CFAP46: variants seen among roughly 807,000 people sequenced by gnomAD.
CFAP46 encodes cilia- and flagella-associated protein 46.
A neutral mutation model predicts 325.7 loss-of-function variants in CFAP46; 245 were observed. The ratio of observed to expected loss-of-function variants is 0.75; its 90% confidence interval spans 0.68 to 0.84. CFAP46 has a LOEUF of 0.84. Among genes scored for constraint, CFAP46 ranks in the 40% least tolerant of loss-of-function variants. The pLI, the probability that CFAP46 is intolerant of heterozygous loss-of-function variation, is 0.00. For missense variants in CFAP46, 3,346 were observed against 3,543.0 expected (o/e 0.94, Z 1.41); for synonymous variants, 1,523 against 1,495.9 (o/e 1.02, Z -0.42).
intron 34 of CFAP46, 49 bp downstream of exon 34, chr10:132,867,326 C>T (rs368775149): frequency 2.5e-5 from 38 of 1,527,806 alleles, no homozygotes; most frequent in South Asian, 1.6e-4. Flanking sequence ...CACGAGGCAC[C>T]GGCGCCCGCT....
At chr10:132,822,164 G>A (rs1228854110) in intron 50 of CFAP46, among the ~76,000 whole-genome samples, 2 of 141,710 alleles carry the variant, frequency 1.4e-5, no homozygotes, top group African/African-American at 2.7e-5. Context: ...GCTGTGTGCT[G>A]TGTGTGCTGA....
Position 132,808,924 on chromosome 10 carries a change from A to C in CFAP46, c.7665-20T>G, listed in dbSNP as rs141779245. On this transcript the variant is annotated intron_variant, in intron 57 of 57. Coordinates refer to ENST00000368586, the MANE Select transcript of CFAP46 (RefSeq NM_001200049.3). This position sits in a 1 kb window ranked among gnomAD's most constrained non-coding sequence, Gnocchi z 6.8. ...CCTCGTCTGTGGAGAAAGGGGCGGG[A>C]GCTATGAACCCCGAGGCCCCGCAGG... is the stretch of plus-strand genomic sequence containing the variant. The C allele has an allele frequency of 3.9e-4, 605 of 1,553,446 alleles. 1 individual carries two copies. The African/African-American group carries it at 7.5e-3, about 19-fold the overall frequency.
intron 50 of CFAP46, among the ~76,000 whole-genome samples, chr10:132,822,361 CA>C (rs1847876853): frequency 1.0e-5 from 1 of 99,166 alleles, no homozygotes; most frequent in African/African-American, 4.1e-5. Context: ...GCTGTGTGTG[CA>C]GTGATGTGTG....
At chr10:132,928,194 T>C (rs1232961729) in intron 9 of CFAP46, among the ~76,000 whole-genome samples, 1 of 152,164 alleles carries the variant, frequency 6.6e-6, no homozygotes, top group East Asian at 1.9e-4. Flanking sequence ...CTGTTACTGC[T>C]GCCATTTTGC....
Position 132,901,021 on chromosome 10 carries a change from G to A in CFAP46, c.2925-1355C>T, listed in dbSNP as rs575147310. 3.9e-5 allele frequency among the ~76,000 whole-genome samples: 6 copies of A among 152,332 alleles called. No individual in the cohort carries two copies. The South Asian group carries it at 6.2e-4, about 16-fold the overall frequency. ...CTACCTCGGATCGCGTGCCTGGGCC[G>A]TTTAACCGGACACCAGCTTTCTTGT... is the stretch of plus-strand genomic sequence containing the variant. On this transcript the variant is annotated intron_variant, in intron 22 of 57. Transcript: ENST00000368586.
At chr10:132,867,313 G>A in intron 34 of CFAP46, 62 bp downstream of exon 34, 7 of 1,523,180 alleles carry the variant, frequency 4.6e-6, no homozygotes, top group Non-Finnish European at 6.2e-6. Flanking sequence ...AGCCCTGCAT[G>A]GCCACGAGGC....
rs4880288 is a variant in CFAP46, at chr10:132,922,572, T to G, written c.1393A>C (p.Ile465Leu). ...CGCAGCCGGGTGGAGGCCATCTGGA[T>G]CCTGTCCCGGTAGAGGCCCAGGCTG... is the stretch of plus-strand genomic sequence containing the variant. ...LDSLGLYRDR[I>L]QMASTRLRLC... is the part of the protein sequence containing the mutation. Residue 465 changes from isoleucine (I) to leucine (L), a missense_variant, in exon 12 of 58, where the codon ATC becomes CTC. Ile to Leu is a conservative substitution (Grantham distance 5). Coordinates refer to ENST00000368586, the MANE Select transcript of CFAP46 (RefSeq NM_001200049.3). 769,525 of 1,547,372 alleles carry G rather than the reference T, an allele frequency of 0.5. 195,763 individuals are homozygous for G. Among genetic ancestry groups the G allele is most frequent in the African/African-American group, 0.73 (53,724 of 73,108 alleles).
chr10:132,920,115 G>C lies in CFAP46; in HGVS notation c.1674C>G (p.Ser558Arg). 6.5e-7 allele frequency: 1 copy of C among 1,549,254 alleles called. No homozygotes were observed. Among genetic ancestry groups the C allele is most frequent in the Non-Finnish European group, 8.7e-7 (1 of 1,146,524 alleles). The change falls in exon 14 of 58, where the codon AGC becomes AGG. Residue 558 changes from serine to arginine, a missense_variant. Transcript: ENST00000368586. Reference protein sequence around the residue: ...LCAKAWHHTVSVDKAAGHLRR... With the variant: ...LCAKAWHHTVRVDKAAGHLRR... ...GCAGGTGCCCGGCAGCTTTGTCCAC[G>C]CTGACGGTGTGGTGCCACGCCTTCG... is the stretch of plus-strand genomic sequence containing the variant.
intron 56 of CFAP46, chr10:132,810,698 T>G (rs1847562663): frequency 1.4e-5 from 10 of 730,810 alleles, no homozygotes; most frequent in Non-Finnish European, 2.2e-5. Flanking sequence ...CTCAACGGGC[T>G]CCTCCAGGGA....
At chr10:132,936,497 C>T (rs1850008675) in intron 7 of CFAP46, among the ~76,000 whole-genome samples, 1 of 149,340 alleles carries the variant, frequency 6.7e-6, no homozygotes, top group Non-Finnish European at 1.5e-5. Context: ...CTGTGATCTC[C>T]TCACTCCCCT....
chr10:132,879,674 G>C (rs910509613), intron 28 of CFAP46, 43 bp from the exon 29 acceptor site: 1 of 1,454,832 alleles, frequency 6.9e-7, no homozygotes, highest in East Asian at 2.5e-5. Context: ...GCCCGGCTAC[G>C]GGTCTGTGGG....
chr10:132,899,209 A>T (rs1591079814), intron 23 of CFAP46, 88 bp from the exon 24 acceptor site: 2 of 1,414,554 alleles, frequency 1.4e-6, no homozygotes, highest in Admixed American at 4.7e-5. Flanking sequence ...TCGGGCGCCC[A>T]GGGCCCAGCC....
chr10:132,861,271 C>G (rs760923675), intron 35 of CFAP46, among the ~76,000 whole-genome samples: 1 of 152,224 alleles, frequency 6.6e-6, no homozygotes, highest in African/African-American at 2.4e-5. Context: ...GGAGTCAGCA[C>G]CAGCTGCAGC....
rs1038822287 is a variant in CFAP46, at chr10:132,913,103, T to A, written c.2276A>T (p.Glu759Val). 1.3e-6 allele frequency: 2 copies of A among 1,550,386 alleles called. No individual in the cohort carries two copies. Among genetic ancestry groups the A allele is most frequent in the Non-Finnish European group, 8.7e-7 (1 of 1,146,984 alleles). Residue 759 changes from glutamate to valine, a missense_variant, in exon 18 of 58, where the codon GAG becomes GTG. By Grantham distance (121) the Glu-to-Val change is moderately radical (BLOSUM62 -2). Coordinates refer to ENST00000368586, the MANE Select transcript of CFAP46 (RefSeq NM_001200049.3). ...HHLILAGRQK[E>V]LVDALYHLLS... ...GAGGTGGTACAGGGCGTCCACCAGC[T>A]CCTTCTGCCGCCCGGCCAGGATCAG...
intron 12 of CFAP46, 74 bp from the exon 13 acceptor site, chr10:132,922,298 C>G: frequency 6.6e-7 from 1 of 1,506,822 alleles, no homozygotes; most frequent in South Asian, 1.3e-5. Flanking sequence ...TCTGGAGCCT[C>G]CTGGCCTTTG....
At chr10:132,859,987 G>A (rs1378784114) in intron 37 of CFAP46, among the ~76,000 whole-genome samples, 1 of 152,206 alleles carries the variant, frequency 6.6e-6, no homozygotes, top group South Asian at 2.1e-4. Context: ...CCAGGGAGTC[G>A]GAGGTTGCGG....
chr10:132,844,945 C>T (rs970665389), intron 44 of CFAP46, among the ~76,000 whole-genome samples: 1 of 152,292 alleles, frequency 6.6e-6, no homozygotes, highest in African/African-American at 2.4e-5. Context: ...CCTCGAACTC[C>T]TGGGCTCAAG....
intron 50 of CFAP46, among the ~76,000 whole-genome samples, chr10:132,826,596 G>A (rs1451798407): frequency 0.022 from 2,401 of 111,092 alleles, 312 homozygotes; most frequent in African/African-American, 0.08. Context: ...GGGAGGAGCC[G>A]GAGCCACGGA....
At chr10:132,851,404 CAT>C (rs1848542651) in intron 39 of CFAP46, 99 bp from the exon 40 acceptor site, 1 of 1,149,398 alleles carries the variant, frequency 8.7e-7, no homozygotes. Context: ...GTAAGAAACT[CAT>C]AACAAACTGC....
Sources: allele counts gnomAD v4.1 joint callset (sites outside exome capture counted in the v4.1 genomes callset), GRCh38; gene constraint gnomAD v4.1.1; non-coding constraint Gnocchi (gnomAD v3.1); transcripts MANE v1.5; gene names NCBI Gene and HGNC (gene_info 2026-07-23, HGNC 2026-07-21).